The following NCAM1 variants were observed in gnomAD, a reference collection of about 807,000 sequenced individuals.
The protein encoded by NCAM1 is antigen recognized by monoclonal antibody 5.1H11.
A neutral mutation model predicts 109.8 loss-of-function variants in NCAM1; 14 were observed. The observed-to-expected ratio is 0.13, with a 90% CI of 0.08 to 0.20. The LOEUF is 0.20. Ranked by LOEUF, NCAM1 falls within the 10% of genes least tolerant of loss-of-function variation. The pLI is 1.00. For synonymous variants in NCAM1, 418 were observed against 442.9 expected, an observed-to-expected ratio of 0.94 and a Z score of 0.70; for missense variants, 774 against 1,109.9, an observed-to-expected ratio of 0.70 and a Z score of 4.30.
chr11:113,205,849 T>C (rs1221644028), intron 4 of NCAM1, among the ~76,000 whole-genome samples, 183 bp downstream of exon 4: 2 of 152,136 alleles, frequency 1.3e-5, no homozygotes, highest in African/African-American at 2.4e-5. Flanking sequence ...TGATTTTCTC[T>C]CCAGTACGAA....
intron 1 of NCAM1, among the ~76,000 whole-genome samples, chr11:113,170,468 A>T (rs986254578): frequency 1.3e-5 from 2 of 152,218 alleles, no homozygotes; most frequent in Non-Finnish European, 2.9e-5. Context: ...GGGAAAATAG[A>T]AATGCACTGG....
At chr11:113,272,828 C>A in intron 19 of NCAM1, 1 of 430,886 alleles carries the variant, frequency 2.3e-6, no homozygotes, top group Admixed American at 2.4e-5. Flanking sequence ...TAACTGCATG[C>A]CCCCACCCCC....
intron 1 of NCAM1, among the ~76,000 whole-genome samples, chr11:113,195,774 G>A (rs1555110711): frequency 6.6e-6 from 1 of 151,802 alleles, no homozygotes; most frequent in East Asian, 1.9e-4. Flanking sequence ...CCAAAGTGCT[G>A]GAACTACAGG....
chr11:113,199,277 G>A (rs1007935955), intron 1 of NCAM1, among the ~76,000 whole-genome samples: 1 of 152,130 alleles, frequency 6.6e-6, no homozygotes, highest in Non-Finnish European at 1.5e-5. Flanking sequence ...GTTGAGGTAG[G>A]AATTTGTATT....
intron 1 of NCAM1, among the ~76,000 whole-genome samples, chr11:113,044,807 G>A (rs1953207563): frequency 6.6e-6 from 1 of 151,170 alleles, no homozygotes; most frequent in Non-Finnish European, 1.5e-5. Flanking sequence ...AAGCTGGAGT[G>A]CAGTGGCGCG....
At chr11:113,012,492 A>C (rs550321240) in intron 1 of NCAM1, among the ~76,000 whole-genome samples, 2 of 152,288 alleles carry the variant, frequency 1.3e-5, no homozygotes, top group African/African-American at 4.8e-5. Flanking sequence ...ACCTTCAAAA[A>C]ACAGAAATAC....
intron 1 of NCAM1, among the ~76,000 whole-genome samples, chr11:113,086,901 A>G (rs1939116893): frequency 6.6e-6 from 1 of 152,228 alleles, no homozygotes; most frequent in Non-Finnish European, 1.5e-5. Flanking sequence ...TTTATTTTTG[A>G]TTATCTGAAT....
intron 1 of NCAM1, among the ~76,000 whole-genome samples, chr11:113,066,387 G>C (rs918692445): frequency 6.6e-6 from 1 of 152,044 alleles, no homozygotes; most frequent in Non-Finnish European, 1.5e-5. Context: ...CACTAATTAC[G>C]TAAGGCTTTG....
rs564715010 is a variant in NCAM1, at chr11:113,277,063, C to T, written c.*1676C>T. 1.8e-5 allele frequency: 6 copies of T among 330,180 alleles called. No homozygotes were observed. The highest frequency in any genetic ancestry group is 1.4e-4 in the East Asian group (3 of 22,078). 20.5% of individuals were successfully genotyped at this position (330,180 alleles called of 1,614,324 possible). A position where few individuals can be genotyped will look rare whatever the true frequency, so the allele number is the denominator to read the frequency against. ...GAAACAAAAATCACTCAAACGGAAT[C>T]GAAGCCTTTTAACAAAGAAAATGAA... On this transcript the variant is annotated 3_prime_UTR_variant, in exon 20 of 20. Transcript: ENST00000316851.
intron 1 of NCAM1, among the ~76,000 whole-genome samples, chr11:113,073,438 T>C (rs1336111601): frequency 1.3e-5 from 2 of 152,220 alleles, no homozygotes; most frequent in Admixed American, 1.3e-4. Context: ...CATTTCCATA[T>C]CTCACAAGCC....
At chr11:113,153,792 C>A (rs1555102996) in intron 1 of NCAM1, among the ~76,000 whole-genome samples, 1 of 152,144 alleles carries the variant, frequency 6.6e-6, no homozygotes, top group Non-Finnish European at 1.5e-5. Flanking sequence ...CAGGTTTGAT[C>A]ATTGTTTCTG....
At chr11:113,025,759 T>C (rs1952520994) in intron 1 of NCAM1, among the ~76,000 whole-genome samples, 1 of 130,216 alleles carries the variant, frequency 7.7e-6, no homozygotes, top group African/African-American at 3.0e-5. Context: ...GGAAATGAGA[T>C]TGGAACGACA....
intron 1 of NCAM1, among the ~76,000 whole-genome samples, chr11:113,006,841 T>G (rs1951905124): frequency 6.6e-6 from 1 of 152,192 alleles, no homozygotes; most frequent in African/African-American, 2.4e-5. Flanking sequence ...GGCAATTTCT[T>G]GCATAATATA....
chr11:112,978,162 C>T lies in NCAM1; in HGVS notation c.52+16498C>T, dbSNP rs1241361796. On this transcript the variant is annotated intron_variant, in intron 1 of 19. Coordinates refer to ENST00000316851, the MANE Select transcript of NCAM1 (RefSeq NM_181351.5). Reference sequence around the variant, plus strand: ...AAGCATTTTCTCCTTGTTATGTATCCGAAAAGAGGTAGAATGAAATTCTGA... The same window carrying T: ...AAGCATTTTCTCCTTGTTATGTATCTGAAAAGAGGTAGAATGAAATTCTGA... Among the ~76,000 whole-genome samples the T allele has an allele frequency of 1.8e-4, 28 of 151,478 alleles. 1 individual carries two copies. Among genetic ancestry groups the T allele is most frequent in the Admixed American group, 6.6e-5 (1 of 15,176 alleles).
At chr11:113,079,398 C>T (rs1343153160) in intron 1 of NCAM1, among the ~76,000 whole-genome samples, 1 of 152,216 alleles carries the variant, frequency 6.6e-6, no homozygotes, top group Non-Finnish European at 1.5e-5. Context: ...AGCACCTCCT[C>T]TATACCCGTG....
At chr11:113,169,022 C>T (rs1213185259) in intron 1 of NCAM1, among the ~76,000 whole-genome samples, 4 of 147,732 alleles carry the variant, frequency 2.7e-5, no homozygotes, top group African/African-American at 1.0e-4. Context: ...AGAAGATCCT[C>T]TCTCTTCCTC....
intron 1 of NCAM1, among the ~76,000 whole-genome samples, chr11:113,166,946 C>G (rs1942821680): frequency 6.6e-6 from 1 of 152,224 alleles, no homozygotes. Flanking sequence ...TATAGAATCA[C>G]TCACTCGTTC....
At chr11:113,214,259 G>T (rs1944464712) in intron 7 of NCAM1, 110 bp from the exon 8 acceptor site, 5 of 1,139,772 alleles carry the variant, frequency 4.4e-6, no homozygotes, top group East Asian at 2.5e-5. Flanking sequence ...CCTAGACTAG[G>T]GTCTTGTACT....
chr11:113,078,814 A>T (rs2135647052), intron 1 of NCAM1, among the ~76,000 whole-genome samples: 1 of 152,278 alleles, frequency 6.6e-6, no homozygotes, highest in East Asian at 1.9e-4. Context: ...CCAATCTTCT[A>T]GGCTGTCCAG....
Sources: gnomAD v4.1 joint callset for allele counts (sites outside exome capture counted in the v4.1 genomes callset) on GRCh38, gnomAD v4.1.1 for gene constraint, MANE v1.5 for transcripts, NCBI Gene and HGNC (gene_info 2026-07-23, HGNC 2026-07-21) for gene names.